Variants in PRKN observed in about 807,000 individuals in gnomAD.
The protein encoded by PRKN is parkin RBR E3 ubiquitin protein ligase.
A neutral mutation model predicts 59.5 loss-of-function variants in PRKN; 56 were observed. The observed-to-expected ratio is 0.94, with a 90% confidence interval of 0.76 to 1.18. The LOEUF is 1.18. PRKN is among the 50% of genes most tolerant of loss of function. PRKN has a pLI of 0.00. For synonymous variants in PRKN, 250 were observed against 222.1 expected (o/e 1.13, Z -1.12); for missense variants, 657 against 596.4 (o/e 1.10, Z -1.06).
intron 4 of PRKN, among the ~76,000 whole-genome samples, chr6:162,155,118 C>CA (rs1554278090): frequency 6.9e-6 from 1 of 144,316 alleles, no homozygotes; most frequent in Non-Finnish European, 1.5e-5. Context: ...AAAAAAACAA[C>CA]AAAATGACTT....
chr6:161,570,127 A>T lies in PRKN; in HGVS notation c.872-711T>A, dbSNP rs1382745993. Among the ~76,000 whole-genome samples the T allele has an allele frequency of 7.8e-4, 80 of 102,212 alleles. 1 individual carries two copies. In the East Asian group the frequency reaches 0.016, roughly 21 times the overall value. The allele number at this position is 102,212 out of a possible 152,430, so 67.1% of individuals were successfully genotyped here. ...TAAAACAAAGTAAGTAAATAGGTAA[A>T]AAAAAAAAAAAAAAAAAAAATATAT... On this transcript the variant is annotated intron_variant, in intron 7 of 11. Transcript: ENST00000366898.
intron 1 of PRKN, among the ~76,000 whole-genome samples, chr6:162,581,982 G>T (rs1322770026): frequency 6.6e-6 from 1 of 151,922 alleles, no homozygotes; most frequent in Non-Finnish European, 1.5e-5. Flanking sequence ...TCTCACAAAG[G>T]GCTATAAAAG....
intron 7 of PRKN, among the ~76,000 whole-genome samples, chr6:161,686,455 A>T (rs1278762339): frequency 6.6e-6 from 1 of 152,276 alleles, no homozygotes; most frequent in Non-Finnish European, 1.5e-5. Context: ...TAATGCTCTT[A>T]TAAATCTTCA....
chr6:162,418,714 G>A (rs1310401388), intron 2 of PRKN, among the ~76,000 whole-genome samples: 28 of 149,398 alleles, frequency 1.9e-4, no homozygotes, highest in African/African-American at 5.2e-4. Flanking sequence ...GAGGGCAGAT[G>A]GACCCAGTGG....
At chr6:161,941,518 G>A (rs755196145) in intron 6 of PRKN, among the ~76,000 whole-genome samples, 5 of 152,198 alleles carry the variant, frequency 3.3e-5, no homozygotes, top group South Asian at 2.1e-4. Context: ...CTTGTGATCC[G>A]ATTCTTCTGG....
chr6:162,117,131 A>G (rs1780707479), intron 4 of PRKN, among the ~76,000 whole-genome samples: 1 of 152,230 alleles, frequency 6.6e-6, no homozygotes, highest in Admixed American at 6.5e-5. Context: ...TAAATCATAA[A>G]CACAAAGCAG....
chr6:162,001,041 G>A lies in PRKN; in HGVS notation c.619-27624C>T, dbSNP rs537030523. Reference sequence around the variant, plus strand: ...CTATTACCACACTGTTTTGATTACTGTAGTTTTGTATAGTTAAGCCTTAAA... The same window carrying A: ...CTATTACCACACTGTTTTGATTACTATAGTTTTGTATAGTTAAGCCTTAAA... On this transcript the variant is annotated intron_variant, in intron 5 of 11. Coordinates refer to ENST00000366898, the MANE Select transcript of PRKN (RefSeq NM_004562.3). Among the ~76,000 whole-genome samples, 10 of 152,022 alleles carry A rather than the reference G, an allele frequency of 6.6e-5. No homozygotes were observed. In the East Asian group the frequency reaches 1.9e-3, roughly 29 times the overall value.
chr6:162,512,678 C>T (rs1270438175), intron 1 of PRKN, among the ~76,000 whole-genome samples: 1 of 152,166 alleles, frequency 6.6e-6, no homozygotes, highest in African/African-American at 2.4e-5. Flanking sequence ...AGCAACTGAT[C>T]TAAGTATGAC....
intron 3 of PRKN, among the ~76,000 whole-genome samples, chr6:162,254,677 T>G (rs2128097415): frequency 6.6e-6 from 1 of 152,172 alleles, no homozygotes; most frequent in Admixed American, 6.5e-5. Flanking sequence ...GCCCCCATCC[T>G]TCATCCACTG....
intron 2 of PRKN, among the ~76,000 whole-genome samples, chr6:162,288,840 G>C (rs1408370471): frequency 6.6e-6 from 1 of 152,160 alleles, no homozygotes; most frequent in East Asian, 1.9e-4. Context: ...GCTGAGGAAG[G>C]CTGAAGCCCC....
Position 161,386,996 on chromosome 6 carries a change from A to G in PRKN, c.1084-119T>C, listed in dbSNP as rs890742500. ...CTGGCTTGTGCAACAGTTTCTGTAT[A>G]AAAATACTTTTTTTGCAAAGAGAAA... On this transcript the variant is annotated intron_variant, in intron 9 of 11. Coordinates refer to ENST00000366898, the MANE Select transcript of PRKN (RefSeq NM_004562.3). This position sits in a 1 kb window ranked among gnomAD's most constrained non-coding sequence, Gnocchi z 4.3. The G allele has an allele frequency of 6.7e-5, 55 of 825,054 alleles. No homozygotes were observed. Among genetic ancestry groups the G allele is most frequent in the Non-Finnish European group, 1.1e-4 (53 of 477,442 alleles). The allele number at this position is 825,054 out of a possible 1,614,324, so 51.1% of individuals were successfully genotyped here. A position where few individuals can be genotyped will look rare whatever the true frequency, so the allele number is the denominator to read the frequency against.
chr6:161,910,857 T>C (rs1778334248), intron 6 of PRKN, among the ~76,000 whole-genome samples: 1 of 152,198 alleles, frequency 6.6e-6, no homozygotes, highest in South Asian at 2.1e-4. Flanking sequence ...AAAAAGATTA[T>C]GACTTGCTGA....
chr6:162,084,391 G>A (rs1446641330), intron 4 of PRKN, among the ~76,000 whole-genome samples: 1 of 152,060 alleles, frequency 6.6e-6, no homozygotes, highest in Non-Finnish European at 1.5e-5. Context: ...TGCCTCCATG[G>A]GACCAGAACA....
intron 10 of PRKN, among the ~76,000 whole-genome samples, chr6:161,374,606 A>AGCATGTGTGTGG (rs1562403671): frequency 3.1e-5 from 1 of 32,712 alleles, no homozygotes; most frequent in Non-Finnish European, 5.5e-5. Context: ...TGGTGTGTGT[A>AGCATGTGTGTGG]TGTGTGTATG....
In PRKN at chr6:161,504,083, G is replaced by A. The variant is rs189022614; in HGVS notation, c.1083+44771C>T. ...TTTAAAAAGCTATACCGATGACATG[G>A]GTATAGAGACAGAAGATGTGACTTC... is the stretch of plus-strand genomic sequence containing the variant. On this transcript the variant is annotated intron_variant, in intron 9 of 11. Transcript: ENST00000366898. 7.7e-3 allele frequency among the ~76,000 whole-genome samples: 1,173 copies of A among 152,238 alleles called. 18 individuals carry two copies. The highest frequency in any genetic ancestry group is 0.027 in the African/African-American group (1,101 of 41,516).
At chr6:162,549,610 C>G (rs924622267) in intron 1 of PRKN, among the ~76,000 whole-genome samples, 7 of 149,936 alleles carry the variant, frequency 4.7e-5, no homozygotes, top group African/African-American at 1.7e-4. Flanking sequence ...GGTAGAAAGA[C>G]AAAACTAATA....
chr6:161,835,256 G>C (rs9458397), intron 6 of PRKN, among the ~76,000 whole-genome samples: 1 of 151,846 alleles, frequency 6.6e-6, no homozygotes, highest in Admixed American at 6.6e-5. Flanking sequence ...TGCTGTGACT[G>C]TCACCAATCC....
chr6:162,260,530 T>TAG lies in PRKN; in HGVS notation c.412+1993_412+1994dup, dbSNP rs370955221. Among the ~76,000 whole-genome samples the TAG allele has an allele frequency of 1.1e-3, 172 of 150,970 alleles. 1 individual carries two copies. Among genetic ancestry groups the TAG allele is most frequent in the African/African-American group, 3.8e-3 (155 of 41,322 alleles). ...TATATTTTCTTAAAATATTATGGTC[T>TAG]AGAGAGAGAGAGAGAGTCAGTTGAA... On this transcript the variant is annotated intron_variant, in intron 3 of 11. Coordinates refer to ENST00000366898, the MANE Select transcript of PRKN (RefSeq NM_004562.3).
Position 161,671,406 on chromosome 6 carries a change from G to C in PRKN, c.872-101990C>G, listed in dbSNP as rs564355413. Among the ~76,000 whole-genome samples, 3 of 152,136 alleles carry C rather than the reference G, an allele frequency of 2.0e-5. No homozygotes were observed. The South Asian group carries it at 6.2e-4, about 32-fold the overall frequency. On this transcript the variant is annotated intron_variant, in intron 7 of 11. Coordinates refer to ENST00000366898, the MANE Select transcript of PRKN (RefSeq NM_004562.3). ...GCAACCGGCTGCATTGTCACCTTCT[G>C]GGGTACACATCCGCGGCATGGAGCT...
Sources: allele counts gnomAD v4.1 joint callset (sites outside exome capture counted in the v4.1 genomes callset), GRCh38; gene constraint gnomAD v4.1.1; non-coding constraint Gnocchi (gnomAD v3.1); transcripts MANE v1.5; gene names NCBI Gene and HGNC (gene_info 2026-07-23, HGNC 2026-07-21).